Variants in NOS1 observed in about 807,000 individuals in gnomAD.
The protein encoded by NOS1 is nitric oxide synthase 1.
Under a neutral mutation model 164.5 loss-of-function variants are expected in NOS1, and 51 were observed. That is an observed-to-expected ratio of 0.31 (90% CI 0.25 to 0.39). The LOEUF (loss-of-function observed/expected upper bound fraction) is 0.39, where lower values mean the gene tolerates loss of function less well. Among genes scored for constraint, NOS1 ranks in the 10% least tolerant of loss-of-function variants. The probability of loss-of-function intolerance (pLI) is 1.00; values close to 1 mark genes in which losing one functional copy is unlikely to be tolerated. For missense variants in NOS1, 1,362 were observed against 1,885.6 expected, an observed-to-expected ratio of 0.72 and a Z score of 5.14; for synonymous variants, 719 against 745.8, an observed-to-expected ratio of 0.96 and a Z score of 0.59.
chr12:117,233,919 T>A (rs1869482530), intron 21 of NOS1, among the ~76,000 whole-genome samples: 1 of 152,118 alleles, frequency 6.6e-6, no homozygotes, highest in South Asian at 2.1e-4. Context: ...ATCTTGACTT[T>A]ACATCCTAGC....
intron 20 of NOS1, among the ~76,000 whole-genome samples, chr12:117,235,718 CT>C (rs1869652695): frequency 6.6e-6 from 1 of 152,204 alleles, no homozygotes; most frequent in Non-Finnish European, 1.5e-5. Context: ...ATAATAAACT[CT>C]CAGAATGTGA....
intron 2 of NOS1, among the ~76,000 whole-genome samples, chr12:117,314,356 T>A (rs957131037): frequency 1.3e-5 from 2 of 152,154 alleles, no homozygotes; most frequent in African/African-American, 4.8e-5. Flanking sequence ...AAACTACTGA[T>A]CCTATATCAC....
At chr12:117,315,288 C>T (rs1214883968) in intron 2 of NOS1, among the ~76,000 whole-genome samples, 4 of 152,058 alleles carry the variant, frequency 2.6e-5, no homozygotes, top group Non-Finnish European at 5.9e-5. Flanking sequence ...ACTGTAACGT[C>T]CACCTCCCAG....
intron 10 of NOS1, among the ~76,000 whole-genome samples, chr12:117,271,407 A>G (rs1206131196): frequency 6.6e-6 from 1 of 151,888 alleles, no homozygotes; most frequent in Non-Finnish European, 1.5e-5. Flanking sequence ...CCTTCTGAGT[A>G]GCTGGGATTA....
Position 117,258,392 on chromosome 12 carries a change from C to A in NOS1, c.2531+5G>T. ...CGGGTGACGTCGGAGGGGTCATTCA[C>A]TTACTTCCTTTCTTCCTGCACAGAG... On this transcript the variant is annotated splice_donor_5th_base_variant and intron_variant, in intron 16 of 28. Coordinates refer to ENST00000317775, the MANE Select transcript of NOS1 (RefSeq NM_000620.5). The A allele has an allele frequency of 6.2e-7, 1 of 1,614,152 alleles. No homozygotes were observed. The highest frequency in any genetic ancestry group is 8.5e-7 in the Non-Finnish European group (1 of 1,180,018).
At chr12:117,342,204 C>T (rs931016579) in intron 1 of NOS1, among the ~76,000 whole-genome samples, 2 of 152,072 alleles carry the variant, frequency 1.3e-5, no homozygotes, top group Admixed American at 1.3e-4. Flanking sequence ...CCTACTCATA[C>T]ATAGCTCTCC....
chr12:117,223,204 A>T (rs1868367921), intron 25 of NOS1, among the ~76,000 whole-genome samples: 1 of 151,608 alleles, frequency 6.6e-6, no homozygotes, highest in Non-Finnish European at 1.5e-5. Context: ...CCTAAGACCC[A>T]AGCCTCTGGA....
At chr12:117,286,989 TG>T (rs1488225482) in intron 5 of NOS1, among the ~76,000 whole-genome samples, 4 of 152,080 alleles carry the variant, frequency 2.6e-5, no homozygotes, top group African/African-American at 7.2e-5. Context: ...CCGAGGAGGG[TG>T]GATCACTTGA....
chr12:117,239,694 T>C (rs1246406795), intron 20 of NOS1, among the ~76,000 whole-genome samples: 2 of 151,420 alleles, frequency 1.3e-5, no homozygotes, highest in African/African-American at 2.4e-5. Context: ...TTCCACTCAA[T>C]TATCCTTTTT....
chr12:117,307,785 G>A (rs1043526873), intron 3 of NOS1, among the ~76,000 whole-genome samples: 32 of 152,156 alleles, frequency 2.1e-4, no homozygotes, highest in African/African-American at 6.5e-4. Flanking sequence ...GGGAGGCTGA[G>A]GCAGGTGGAT....
At chr12:117,288,751 C>A (rs946836213) in intron 4 of NOS1, among the ~76,000 whole-genome samples, 5 of 152,206 alleles carry the variant, frequency 3.3e-5, no homozygotes, top group African/African-American at 9.7e-5. Flanking sequence ...AACTCTGAGT[C>A]TAAGCCTCAA....
intron 3 of NOS1, among the ~76,000 whole-genome samples, chr12:117,310,343 T>A (rs1874368621): frequency 6.6e-6 from 1 of 152,194 alleles, no homozygotes; most frequent in Non-Finnish European, 1.5e-5. Flanking sequence ...AATTACAGGA[T>A]GATCACAGAA....
Position 117,247,398 on chromosome 12 carries a change from G to GCTCA in NOS1, c.2769_2772dup (p.Leu925Ter), listed in dbSNP as rs1357897440. 1 of 1,611,616 alleles carries GCTCA rather than the reference G, an allele frequency of 6.2e-7. No homozygotes were observed. Among genetic ancestry groups the GCTCA allele is most frequent in the African/African-American group, 1.3e-5 (1 of 74,760 alleles). Reference sequence around the variant, plus strand: ...CTGAAAGCCTCTTCCTGCCCACAGAGCTCATCCCCTTCCCTCATCTTCAGG... The same window carrying GCTCA: ...CTGAAAGCCTCTTCCTGCCCACAGAGCTCACTCATCCCCTTCCCTCATCTTCAGG... On this transcript the variant is annotated stop_gained and frameshift_variant, in exon 18 of 29. Transcript: ENST00000317775. LOFTEE classifies it high-confidence loss of function.
intron 9 of NOS1, among the ~76,000 whole-genome samples, chr12:117,276,332 G>A (rs563864491): frequency 2.3e-4 from 35 of 152,222 alleles, no homozygotes; most frequent in African/African-American, 7.7e-4. Context: ...GCCCAGGCTG[G>A]AGTGCACTGG....
At chr12:117,275,977 T>A (rs1470054938) in intron 9 of NOS1, among the ~76,000 whole-genome samples, 5 of 152,176 alleles carry the variant, frequency 3.3e-5, no homozygotes, top group Non-Finnish European at 7.3e-5. Flanking sequence ...TTGCAGCAAC[T>A]TCATGACTCC....
chr12:117,234,673 C>T lies in NOS1; in HGVS notation c.3127G>A (p.Gly1043Ser). The T allele has an allele frequency of 6.2e-7, 1 of 1,614,170 alleles. No homozygotes were observed. Among genetic ancestry groups the T allele is most frequent in the Non-Finnish European group, 8.5e-7 (1 of 1,180,012 alleles). ...GCATTCACGAGGTCCTCGTGGTTGC[C>T]AGGGAAGACACCCAGGTGGTCCCCA... Reference protein sequence around the residue: ...QPGDHLGVFPGNHEDLVNALI... With the variant: ...QPGDHLGVFPSNHEDLVNALI... The change falls in exon 21 of 29, where the codon GGC (glycine) becomes AGC (serine). Residue 1043 changes from glycine to serine, a missense_variant. This residue lies in a region of NOS1 where 737 missense variants were observed against 1,030.3 expected (regional missense o/e 0.72). Transcript: ENST00000317775. This position sits in a 1 kb window ranked among gnomAD's most constrained non-coding sequence, Gnocchi z 4.3.
At chr12:117,287,159 A>C (rs1038762340) in intron 5 of NOS1, among the ~76,000 whole-genome samples, 9 of 152,076 alleles carry the variant, frequency 5.9e-5, no homozygotes, top group Admixed American at 5.9e-4. Context: ...GGGTGCAGTG[A>C]GCCAAGATCA....
At chr12:117,220,362 G>A in intron 26 of NOS1, 93 bp from the exon 27 acceptor site, 1 of 1,262,476 alleles carries the variant, frequency 7.9e-7, no homozygotes, top group Non-Finnish European at 1.1e-6. Flanking sequence ...CTGACTCAGG[G>A]GCTTGTGGGC....
At chr12:117,331,895 G>C (rs1236714752) in intron 1 of NOS1, among the ~76,000 whole-genome samples, 1 of 152,160 alleles carries the variant, frequency 6.6e-6, no homozygotes, top group Non-Finnish European at 1.5e-5. Context: ...ATAGCTCGGG[G>C]GCTCAGCTGG....
Sources: gnomAD v4.1 joint callset for allele counts (sites outside exome capture counted in the v4.1 genomes callset) on GRCh38, gnomAD v4.1.1 for gene constraint, gnomAD v4.1.1 regional missense constraint, Gnocchi (gnomAD v3.1) non-coding constraint, MANE v1.5 for transcripts, NCBI Gene and HGNC (gene_info 2026-07-23, HGNC 2026-07-21) for gene names.